ZRANB3: variants seen among roughly 807,000 people sequenced by gnomAD.
ZRANB3 encodes DNA annealing helicase and endonuclease ZRANB3.
Under a neutral mutation model 133.8 loss-of-function variants are expected in ZRANB3, and 125 were observed. The ratio of observed to expected loss-of-function variants is 0.93; its 90% CI spans 0.81 to 1.08. The LOEUF is 1.08. ZRANB3 is among the 50% of genes least tolerant of loss of function. The pLI, the probability that ZRANB3 is intolerant of heterozygous loss-of-function variation, is 0.00. For synonymous variants in ZRANB3, 387 were observed against 432.7 expected, an observed-to-expected ratio of 0.89 and a Z score of 1.31; for missense variants, 1,229 against 1,275.5, an observed-to-expected ratio of 0.96 and a Z score of 0.56.
chr2:135,382,387 G>A (rs879335575), intron 3 of ZRANB3, among the ~76,000 whole-genome samples: 3 of 152,114 alleles, frequency 2.0e-5, no homozygotes, highest in Admixed American at 1.3e-4. Context: ...TGAAAGTGAC[G>A]GGGCGAATGG....
chr2:135,473,161 C>T (rs565728487), intron 2 of ZRANB3, among the ~76,000 whole-genome samples: 21 of 152,292 alleles, frequency 1.4e-4, no homozygotes, highest in African/African-American at 4.8e-4. Context: ...CATGATGTCC[C>T]TTCTCCATAA....
At chr2:135,469,741 G>A (rs1240970775) in intron 2 of ZRANB3, among the ~76,000 whole-genome samples, 4 of 152,146 alleles carry the variant, frequency 2.6e-5, no homozygotes, top group South Asian at 2.1e-4. Context: ...GGCCGGGCAC[G>A]GTGGCTCACG....
In ZRANB3 at chr2:135,289,982, G is replaced by T. The variant is rs867140374; in HGVS notation, c.967-14227C>A. Among the ~76,000 whole-genome samples, 5 of 152,208 alleles carry T rather than the reference G, an allele frequency of 3.3e-5. No individual in the cohort carries two copies. In the East Asian group the frequency reaches 5.8e-4, roughly 18 times the overall value. ...GGCCCATCATATGGTCTACCTTAGA[G>T]AATGTTCCATGTGCTGATGAATATA... On this transcript the variant is annotated intron_variant, in intron 8 of 20. Transcript: ENST00000264159.
At chr2:135,389,033 G>A (rs890526775) in intron 3 of ZRANB3, among the ~76,000 whole-genome samples, 4 of 152,176 alleles carry the variant, frequency 2.6e-5, no homozygotes, top group Admixed American at 6.5e-5. Flanking sequence ...AGTCGAGATC[G>A]TGCCACTGCA....
At chr2:135,419,711 T>C (rs1241486939) in intron 2 of ZRANB3, among the ~76,000 whole-genome samples, 1 of 151,794 alleles carries the variant, frequency 6.6e-6, no homozygotes, top group Admixed American at 6.6e-5. Context: ...TTTTTTTTTT[T>C]TTCCTTAAAT....
chr2:135,520,855 G>A (rs1481739924), intron 1 of ZRANB3, among the ~76,000 whole-genome samples: 1 of 151,848 alleles, frequency 6.6e-6, no homozygotes, highest in Non-Finnish European at 1.5e-5. Context: ...GCCAAGGCTG[G>A]TCTGGAACTC....
At chr2:135,524,255 G>C (rs557210204) in intron 1 of ZRANB3, among the ~76,000 whole-genome samples, 33 of 152,088 alleles carry the variant, frequency 2.2e-4, no homozygotes, top group African/African-American at 8.0e-4. Context: ...CTACTTTTTT[G>C]TATTTTAGTA....
chr2:135,394,121 T>C (rs1687371440), intron 2 of ZRANB3, among the ~76,000 whole-genome samples: 1 of 151,842 alleles, frequency 6.6e-6, no homozygotes, highest in Non-Finnish European at 1.5e-5. Flanking sequence ...CCTCCCACAG[T>C]GCTGGGATTA....
chr2:135,234,649 A>AT (rs1695204373), intron 12 of ZRANB3, among the ~76,000 whole-genome samples: 1 of 152,204 alleles, frequency 6.6e-6, no homozygotes, highest in Non-Finnish European at 1.5e-5. Flanking sequence ...TCAAAACCGC[A>AT]TAACTACATG....
At chr2:135,209,053 C>T in intron 17 of ZRANB3, 75 bp from the exon 18 acceptor site, 1 of 1,358,058 alleles carries the variant, frequency 7.4e-7, no homozygotes, top group Non-Finnish European at 1.0e-6. Context: ...TACATTGTTC[C>T]TTGCAAAAGC....
chr2:135,360,508 A>T (rs969695472), intron 3 of ZRANB3, among the ~76,000 whole-genome samples: 2 of 152,204 alleles, frequency 1.3e-5, no homozygotes, highest in Admixed American at 1.3e-4. Context: ...GATCGAGACC[A>T]TCCTGGCTAA....
chr2:135,398,714 G>A lies in ZRANB3; in HGVS notation c.162-7894C>T, dbSNP rs191765986. Among the ~76,000 whole-genome samples the A allele has an allele frequency of 6.2e-3, 930 of 150,774 alleles. 7 individuals carry two copies. Among genetic ancestry groups the A allele is most frequent in the South Asian group, 0.042 (198 of 4,742 alleles). The stretch of plus-strand genomic sequence containing the variant: ...TTTTTTTTGTATTTTTAGTAGAGAC[G>A]GGGTTTCACTGTGTTAGCCAGGATG... On this transcript the variant is annotated intron_variant, in intron 2 of 20. Transcript: ENST00000264159.
chr2:135,485,188 C>CAA (rs1286074558), intron 2 of ZRANB3, among the ~76,000 whole-genome samples: 3 of 144,632 alleles, frequency 2.1e-5, no homozygotes, highest in Admixed American at 1.4e-4. Context: ...CAAAACAAAA[C>CAA]ATAACATAAC....
chr2:135,380,537 A>G (rs1041181768), intron 3 of ZRANB3, among the ~76,000 whole-genome samples: 25 of 152,226 alleles, frequency 1.6e-4, no homozygotes, highest in African/African-American at 6.0e-4. Context: ...CTACATGGAA[A>G]CTGAACAACC....
rs111589193 is a variant in ZRANB3, at chr2:135,284,851, C to CT, written c.967-9097dup. On this transcript the variant is annotated intron_variant, in intron 8 of 20. Transcript: ENST00000264159. ...ATTTCTTCTTTTTTTCTTTTCTTTTCTTTTTTTTTTTGAGACAGAGTTTTG... is the reference window on the plus strand; with the variant it reads ...ATTTCTTCTTTTTTTCTTTTCTTTTCTTTTTTTTTTTTGAGACAGAGTTTTG... Among the ~76,000 whole-genome samples the CT allele has an allele frequency of 5.5e-3, 792 of 144,086 alleles. 2 individuals carry two copies. Among genetic ancestry groups the CT allele is most frequent in the African/African-American group, 0.011 (453 of 39,552 alleles). 94.5% of individuals were successfully genotyped at this position (144,086 alleles called of 152,430 possible).
intron 8 of ZRANB3, among the ~76,000 whole-genome samples, chr2:135,301,155 C>G (rs1039672175): frequency 4.6e-5 from 7 of 152,066 alleles, no homozygotes; most frequent in South Asian, 2.1e-4. Context: ...GGAGTACAGG[C>G]ACATGCCACC....
chr2:135,472,936 A>G (rs1559021861), intron 2 of ZRANB3, among the ~76,000 whole-genome samples: 1 of 152,236 alleles, frequency 6.6e-6, no homozygotes, highest in Non-Finnish European at 1.5e-5. Flanking sequence ...AGCATATAAT[A>G]TGTGCTTTTG....
chr2:135,303,518 C>T (rs1460699467), intron 8 of ZRANB3, among the ~76,000 whole-genome samples: 1 of 152,082 alleles, frequency 6.6e-6, no homozygotes, highest in Non-Finnish European at 1.5e-5. Flanking sequence ...AACAGATCAA[C>T]TGACAATCTA....
At chr2:135,297,709 A>G (rs968694749) in intron 8 of ZRANB3, among the ~76,000 whole-genome samples, 1 of 152,204 alleles carries the variant, frequency 6.6e-6, no homozygotes, top group Non-Finnish European at 1.5e-5. Flanking sequence ...CTATTCAGCC[A>G]TCCTAAAAAT....
Sources: allele counts gnomAD v4.1 joint callset (sites outside exome capture counted in the v4.1 genomes callset), GRCh38; gene constraint gnomAD v4.1.1; transcripts MANE v1.5; gene names NCBI Gene and HGNC (gene_info 2026-07-23, HGNC 2026-07-21).